LYG2: variants seen among roughly 807,000 people sequenced by gnomAD.
The protein encoded by LYG2 is lysozyme g2, also known as lysozyme g-like protein 2.
LYG2 carries 25 observed loss-of-function variants against 22.4 expected under a neutral mutation model. That is an observed-to-expected ratio of 1.12 (90% CI 0.81 to 1.56). The LOEUF (loss-of-function observed/expected upper bound fraction) is 1.56, where lower values mean the gene tolerates loss of function less well. LYG2 is among the 40% of genes most tolerant of loss of function. The probability of loss-of-function intolerance (pLI) is 0.00; values close to 1 mark genes in which losing one functional copy is unlikely to be tolerated. For missense variants in LYG2, 266 were observed against 269.5 expected, an observed-to-expected ratio of 0.99 and a Z score of 0.09; for synonymous variants, 88 against 97.0, an observed-to-expected ratio of 0.91 and a Z score of 0.55.
chr2:99,257,884 AT>A (rs2094039247), upstream of LYG2, among the ~76,000 whole-genome samples: 1 of 152,222 alleles, frequency 6.6e-6, no homozygotes, highest in Admixed American at 6.5e-5. Flanking sequence ...GAGAGGAATG[AT>A]TATGAAAACT....
Position 99,254,249 on chromosome 2 carries a change from G to A in LYG2, c.12C>T (p.Ser4=), listed in dbSNP as rs746920594. MLS[S]VVFWGLIALI... ...GGGCAATTAGTCCCCAAAACACCAC[G>A]GAGGATAACATGGCGGGGAATCTTA... The change falls in exon 3 of 7, where the codon TCC becomes TCT. Residue 4 remains serine, a synonymous_variant. Transcript: ENST00000333017. 3.2e-5 allele frequency: 52 copies of A among 1,613,832 alleles called. No homozygotes were observed. The highest frequency in any genetic ancestry group is 1.9e-4 in the South Asian group (17 of 91,068).
chr2:99,254,782 AC>A (rs2094033167), intron 2 of LYG2, among the ~76,000 whole-genome samples: 1 of 152,014 alleles, frequency 6.6e-6, no homozygotes. Flanking sequence ...CGATCCTCCC[AC>A]CTCAGCCTCC....
At chr2:99,243,488 A>AG (rs2094009863) in intron 6 of LYG2, 18 of 1,532,376 alleles carry the variant, frequency 1.2e-5, no homozygotes, top group Admixed American at 6.2e-5. Flanking sequence ...AGAGGTAGGC[A>AG]AACAGATAGA....
intron 3 of LYG2, among the ~76,000 whole-genome samples, chr2:99,248,588 T>A (rs1428887923): frequency 4.3e-5 from 3 of 69,114 alleles, no homozygotes; most frequent in Admixed American, 1.8e-4. Context: ...TGTTGTGGGG[T>A]GGAGGGAGGG....
intron 3 of LYG2, among the ~76,000 whole-genome samples, chr2:99,252,390 C>T (rs2094028221): frequency 6.6e-6 from 1 of 151,882 alleles, no homozygotes; most frequent in Non-Finnish European, 1.5e-5. Flanking sequence ...TATCTCCCTC[C>T]CTTCCTCTCA....
intron 3 of LYG2, among the ~76,000 whole-genome samples, chr2:99,251,443 T>G (rs973266814): frequency 1.3e-5 from 2 of 152,214 alleles, no homozygotes; most frequent in African/African-American, 4.8e-5. Context: ...CATACTTATT[T>G]TGACACTATT....
At position 99,245,273 on chromosome 2, in the gene LYG2, C is replaced by T; in HGVS notation, c.370G>A (p.Gly124Ser). Residue 124 changes from glycine to serine, a missense_variant, in exon 5 of 7, where the codon GGC (glycine) becomes AGC (serine). Coordinates refer to ENST00000333017, the MANE Select transcript of LYG2 (RefSeq NM_175735.4). ...TTCTAGCTAAATACCTGCATCAAGC[C>T]AAATTTAAGTCCCCTGTGGTCCCAG... ...DGWDHRGLKF[G>S]LMQLDKQTYH... 1 of 1,603,494 alleles carries T rather than the reference C, an allele frequency of 6.2e-7. No homozygotes were observed. Among genetic ancestry groups the T allele is most frequent in the South Asian group, 1.1e-5 (1 of 89,248 alleles).
Position 99,242,388 on chromosome 2 carries a change from C to CT in LYG2, c.614dup (p.Phe206ValfsTer3). On this transcript the variant is annotated frameshift_variant, in exon 7 of 7. Transcript: ENST00000333017. LOFTEE classifies it high-confidence loss of function. ...CCTAGAAGCTTTGTCTTTTATAGAACTTAGCTCGAGCAATGATATCATTGA... is the reference window on the plus strand; with the variant it reads ...CCTAGAAGCTTTGTCTTTTATAGAACTTTAGCTCGAGCAATGATATCATTGA... 6.2e-7 allele frequency: 1 copy of CT among 1,613,296 alleles called. No individual in the cohort carries two copies. Among genetic ancestry groups the CT allele is most frequent in the Non-Finnish European group, 8.5e-7 (1 of 1,179,468 alleles).
In LYG2 at chr2:99,242,421, A is replaced by G. The variant is rs2094008140; in HGVS notation, c.582T>C (p.Asn194=). The G allele has an allele frequency of 6.2e-7, 1 of 1,613,952 alleles. No individual in the cohort carries two copies. The highest frequency in any genetic ancestry group is 8.5e-7 in the Non-Finnish European group (1 of 1,179,880). ...GAGCAATGATATCATTGACGAAGTC[A>G]TTGTCTATGTCCGATGGGGTGGCAA... is the stretch of plus-strand genomic sequence containing the variant. The part of the protein sequence containing the change: ...EAIATPSDID[N]DFVNDIIARA... Residue 194 remains asparagine (N), a synonymous_variant, in exon 7 of 7, where the codon AAT becomes AAC. Transcript: ENST00000333017.
chr2:99,251,688 T>A (rs2094026888), intron 3 of LYG2, among the ~76,000 whole-genome samples: 1 of 152,164 alleles, frequency 6.6e-6, no homozygotes, highest in South Asian at 2.1e-4. Context: ...CTTCCCACAC[T>A]GTGGTCTCTA....
At chr2:99,246,615 T>G in intron 4 of LYG2, 65 bp downstream of exon 4, 20 of 1,561,424 alleles carry the variant, frequency 1.3e-5, no homozygotes, top group Non-Finnish European at 1.7e-5. Context: ...TTAAGTGACT[T>G]CCTAAGAAAG....
chr2:99,254,524 T>C (rs1032716983), intron 2 of LYG2, among the ~76,000 whole-genome samples: 2 of 152,262 alleles, frequency 1.3e-5, no homozygotes, highest in Admixed American at 6.5e-5. Context: ...ATGCGTATCT[T>C]ACATATGTAA....
upstream of LYG2, among the ~76,000 whole-genome samples, chr2:99,260,499 G>T (rs2094045274): frequency 6.6e-6 from 1 of 152,096 alleles, no homozygotes; most frequent in Non-Finnish European, 1.5e-5. Flanking sequence ...TCTGACCCCA[G>T]GCAGTCACTT....
chr2:99,257,318 G>A (rs1055109150), upstream of LYG2, among the ~76,000 whole-genome samples: 5 of 152,092 alleles, frequency 3.3e-5, no homozygotes, highest in Non-Finnish European at 5.9e-5. Flanking sequence ...TAGTTAATAC[G>A]CACTGACCTT....
At chr2:99,243,331 C>T in intron 6 of LYG2, 1 of 1,066,580 alleles carries the variant, frequency 9.4e-7, no homozygotes, top group Non-Finnish European at 1.3e-6. Flanking sequence ...CTGGGAGATG[C>T]TGAACTTGAG....
intron 2 of LYG2, among the ~76,000 whole-genome samples, chr2:99,254,673 T>C (rs2094032917): frequency 6.6e-6 from 1 of 152,140 alleles, no homozygotes; most frequent in African/African-American, 2.4e-5. Flanking sequence ...TTTTGGTCTT[T>C]CATTCATTTA....
chr2:99,245,778 A>G (rs1324498886), intron 4 of LYG2, among the ~76,000 whole-genome samples: 7 of 152,180 alleles, frequency 4.6e-5, no homozygotes, highest in African/African-American at 1.7e-4. Context: ...CTCTGACTGC[A>G]GAAACAAACA....
At chr2:99,245,958 AT>A (rs1187502758) in intron 4 of LYG2, among the ~76,000 whole-genome samples, 1 of 152,146 alleles carries the variant, frequency 6.6e-6, no homozygotes, top group Non-Finnish European at 1.5e-5. Flanking sequence ...AAATACAAAA[AT>A]TAGCTGGACT....
intron 6 of LYG2, 156 bp downstream of exon 6, chr2:99,243,843 T>C: frequency 1.3e-6 from 1 of 762,946 alleles, no homozygotes; most frequent in Non-Finnish European, 2.1e-6. Context: ...TCAAAGTAAC[T>C]CAGTGGTTCA....
Sources: allele counts gnomAD v4.1 joint callset (sites outside exome capture counted in the v4.1 genomes callset), GRCh38; gene constraint gnomAD v4.1.1; transcripts MANE v1.5; gene names NCBI Gene and HGNC (gene_info 2026-07-23, HGNC 2026-07-21).